THUMPD2: variants seen among roughly 807,000 people sequenced by gnomAD.
The protein encoded by THUMPD2 is U6 snRNA (guanine-N(2))-methyltransferase THUMPD2.
In THUMPD2, 56 loss-of-function variants were observed where a neutral mutation model predicts 49.4. The observed-to-expected ratio is 1.13, with a 90% CI of 0.91 to 1.41. The LOEUF is 1.41. Among genes scored for constraint, THUMPD2 ranks in the 40% most tolerant of loss-of-function variants. The pLI, the probability that THUMPD2 is intolerant of heterozygous loss-of-function variation, is 0.00. For missense variants in THUMPD2, 709 were observed against 594.5 expected (o/e 1.19, Z -2.00); for synonymous variants, 237 against 205.2 (o/e 1.15, Z -1.32).
At chr2:39,761,226 A>T in intron 6 of THUMPD2, 105 bp downstream of exon 6, 5 of 1,013,890 alleles carry the variant, frequency 4.9e-6, no homozygotes, top group Non-Finnish European at 7.4e-6. Context: ...AAAAAGCGTC[A>T]AGAAAAGAAA....
At chr2:39,755,436 T>C in intron 7 of THUMPD2, 27 bp from the exon 8 acceptor site, 6 of 1,396,508 alleles carry the variant, frequency 4.3e-6, no homozygotes, top group Non-Finnish European at 4.9e-6. Flanking sequence ...ATTTTAAGCA[T>C]AAATAAAATT....
intron 1 of THUMPD2, among the ~76,000 whole-genome samples, chr2:39,776,129 A>C (rs1189637144): frequency 6.6e-6 from 1 of 152,224 alleles, no homozygotes; most frequent in Non-Finnish European, 1.5e-5. Flanking sequence ...AATACATTAA[A>C]CATCATTATG....
At chr2:39,770,231 T>C in intron 2 of THUMPD2, 112 bp from the exon 3 acceptor site, 2 of 698,398 alleles carry the variant, frequency 2.9e-6, no homozygotes, top group Non-Finnish European at 4.2e-6. Flanking sequence ...TTTTATTAAA[T>C]TGCTACACGA....
intron 5 of THUMPD2, among the ~76,000 whole-genome samples, chr2:39,763,031 T>C (rs1342597392): frequency 6.6e-6 from 1 of 152,028 alleles, no homozygotes; most frequent in Non-Finnish European, 1.5e-5. Context: ...TATATCAGTA[T>C]AACAAAATTA....
intron 6 of THUMPD2, 39 bp downstream of exon 6, chr2:39,761,292 G>C (rs1255795735): frequency 3.9e-6 from 6 of 1,557,194 alleles, no homozygotes; most frequent in Non-Finnish European, 5.3e-6. Flanking sequence ...ATTATGAAAA[G>C]AACCTTGCTA....
chr2:39,747,092 C>T (rs932602459), intron 8 of THUMPD2, among the ~76,000 whole-genome samples: 6 of 152,082 alleles, frequency 3.9e-5, no homozygotes, highest in African/African-American at 9.7e-5. Flanking sequence ...GAAATGTTGT[C>T]GGAACTTTTT....
intron 1 of THUMPD2, among the ~76,000 whole-genome samples, chr2:39,778,693 C>T (rs1254840790): frequency 6.6e-6 from 1 of 152,208 alleles, no homozygotes; most frequent in East Asian, 1.9e-4. Flanking sequence ...TTAATTCTCA[C>T]AACAATCCTA....
chr2:39,768,895 A>C (rs1371725633), intron 3 of THUMPD2: 1 of 1,299,418 alleles, frequency 7.7e-7, no homozygotes, highest in Admixed American at 2.3e-5. Flanking sequence ...GTATCATTAG[A>C]CTCACCCTTT....
Position 39,755,383 on chromosome 2 carries a change from G to A in THUMPD2, c.990C>T (p.Val330=), listed in dbSNP as rs747958418. The change falls in exon 8 of 10, where the codon GTC becomes GTT. Residue 330 remains valine, a synonymous_variant. Coordinates refer to ENST00000505747, the MANE Select transcript of THUMPD2 (RefSeq NM_025264.5). The stretch of plus-strand genomic sequence containing the variant: ...AAGTACCTAGTAACTGTGAGTCGCT[G>A]ACATCAGCACCTACATAATACACAT... ...WPDVYYVGAD[V]SDSQLLGTWD... 5.1e-6 allele frequency: 8 copies of A among 1,561,050 alleles called. No homozygotes were observed. The South Asian group carries it at 7.3e-5, about 14-fold the overall frequency.
At chr2:39,774,410 C>G (rs1678795099) in intron 1 of THUMPD2, among the ~76,000 whole-genome samples, 2 of 152,100 alleles carry the variant, frequency 1.3e-5, no homozygotes, top group South Asian at 4.1e-4. Context: ...TATAGGAACT[C>G]TTGTTTATTT....
Position 39,771,533 on chromosome 2 carries a change from A to G in THUMPD2, c.234T>C (p.Phe78=), listed in dbSNP as rs767562060. The G allele has an allele frequency of 6.2e-7, 1 of 1,605,962 alleles. No individual in the cohort carries two copies. The highest frequency in any genetic ancestry group is 8.5e-7 in the Non-Finnish European group (1 of 1,177,874). ...TACTTACAGAAGAAATAATAAGTGG[A>G]AACTGCTTTTTAATCAGCAAAAATA... The part of the protein sequence containing the change: ...ERLFLLIKKQ[F]PLIISSVSKG... The change falls in exon 2 of 10, where the codon TTT becomes TTC. Residue 78 remains phenylalanine, a synonymous_variant. Coordinates refer to ENST00000505747, the MANE Select transcript of THUMPD2 (RefSeq NM_025264.5).
At chr2:39,746,867 C>T (rs1431999502) in intron 8 of THUMPD2, among the ~76,000 whole-genome samples, 1 of 151,204 alleles carries the variant, frequency 6.6e-6, no homozygotes, top group Non-Finnish European at 1.5e-5. Flanking sequence ...ATCCTTCTTC[C>T]TATTTTTGTT....
intron 5 of THUMPD2, among the ~76,000 whole-genome samples, chr2:39,761,657 A>C (rs1472214717): frequency 6.6e-6 from 1 of 152,142 alleles, no homozygotes; most frequent in African/African-American, 2.4e-5. Context: ...TGAAATTTAC[A>C]CTCTCACGTA....
chr2:39,737,097 C>T (rs368902814), intron 9 of THUMPD2, 38 bp from the exon 10 acceptor site: 4 of 1,529,062 alleles, frequency 2.6e-6, no homozygotes, highest in Middle Eastern at 1.7e-4. Context: ...TATCTTTCTC[C>T]TTTCTAGACA....
chr2:39,745,185 A>G (rs888798252), intron 8 of THUMPD2, among the ~76,000 whole-genome samples: 4 of 152,176 alleles, frequency 2.6e-5, no homozygotes, highest in East Asian at 1.9e-4. Context: ...TTAAATACTC[A>G]TAAGACAGAT....
At chr2:39,757,000 T>C (rs1005542317) in intron 6 of THUMPD2, among the ~76,000 whole-genome samples, 2 of 149,970 alleles carry the variant, frequency 1.3e-5, no homozygotes, top group African/African-American at 4.9e-5. Context: ...CTTCTGGGTA[T>C]GACAAGGTCT....
chr2:39,770,378 A>G (rs2148335316), intron 2 of THUMPD2, among the ~76,000 whole-genome samples: 1 of 152,254 alleles, frequency 6.6e-6, no homozygotes, highest in East Asian at 1.9e-4. Flanking sequence ...AATACCCTAG[A>G]AAGATTATTT....
At chr2:39,775,940 T>G (rs1405421625) in intron 1 of THUMPD2, among the ~76,000 whole-genome samples, 3 of 152,058 alleles carry the variant, frequency 2.0e-5, no homozygotes, top group African/African-American at 7.2e-5. Context: ...AACAAAAATT[T>G]ATGTGGCCTA....
chr2:39,756,377 G>A (rs1676122689), intron 6 of THUMPD2, among the ~76,000 whole-genome samples: 2 of 151,854 alleles, frequency 1.3e-5, no homozygotes, highest in Non-Finnish European at 2.9e-5. Context: ...AAGGAAGAGA[G>A]CCTGAGAATG....
Sources: gnomAD v4.1 joint callset for allele counts (sites outside exome capture counted in the v4.1 genomes callset) on GRCh38, gnomAD v4.1.1 for gene constraint, MANE v1.5 for transcripts, NCBI Gene and HGNC (gene_info 2026-07-23, HGNC 2026-07-21) for gene names.